Variants in NAALADL2 observed in about 807,000 individuals in gnomAD.
NAALADL2 encodes inactive N-acetylated-alpha-linked acidic dipeptidase-like protein 2.
NAALADL2 carries 76 observed loss-of-function variants against 87.2 expected under a neutral mutation model. The observed-to-expected ratio is 0.87, with a 90% CI of 0.72 to 1.05. The LOEUF is 1.05. NAALADL2 is among the 50% of genes least tolerant of loss of function. The probability of loss-of-function intolerance (pLI) is 0.00; values close to 1 mark genes in which losing one functional copy is unlikely to be tolerated. For synonymous variants in NAALADL2, 354 were observed against 331.0 expected (o/e 1.07, Z -0.75); for missense variants, 1,089 against 945.8 (o/e 1.15, Z -1.99).
intron 1 of NAALADL2, among the ~76,000 whole-genome samples, chr3:174,920,709 A>C (rs1735052109): frequency 6.6e-6 from 1 of 152,128 alleles, no homozygotes; most frequent in South Asian, 2.1e-4. Flanking sequence ...CATCTTAGCT[A>C]ACTGGTGCAA....
intron 13 of NAALADL2, among the ~76,000 whole-genome samples, chr3:175,786,519 C>A (rs917943252): frequency 3.9e-5 from 6 of 152,118 alleles, no homozygotes; most frequent in African/African-American, 1.4e-4. Flanking sequence ...GCATTCTTCA[C>A]GTAGTTCTCG....
chr3:174,967,729 C>G (rs1743084486), intron 1 of NAALADL2, among the ~76,000 whole-genome samples: 1 of 152,168 alleles, frequency 6.6e-6, no homozygotes, highest in African/African-American at 2.4e-5. Flanking sequence ...CAATCTAGCA[C>G]TAATTGAACA....
At chr3:174,616,004 T>C (rs746478230) in intron 2 of NAALADL2, among the ~76,000 whole-genome samples, 5 of 151,934 alleles carry the variant, frequency 3.3e-5, no homozygotes, top group Non-Finnish European at 5.9e-5. Flanking sequence ...CTGAACAACT[T>C]ATTTGCACTT....
chr3:174,664,431 T>A (rs548244708), intron 2 of NAALADL2, among the ~76,000 whole-genome samples: 1 of 152,170 alleles, frequency 6.6e-6, no homozygotes. Flanking sequence ...AATCTTTTTA[T>A]GGGGTTTTTA....
intron 1 of NAALADL2, among the ~76,000 whole-genome samples, chr3:174,964,035 G>GGAA (rs1553904967): frequency 2.6e-5 from 4 of 151,068 alleles, no homozygotes; most frequent in African/African-American, 9.7e-5. Flanking sequence ...AATCTTTTGG[G>GGAA]AAAAAAAACT....
At chr3:175,611,841 C>T (rs1724695527) in intron 10 of NAALADL2, among the ~76,000 whole-genome samples, 1 of 152,072 alleles carries the variant, frequency 6.6e-6, no homozygotes, top group African/African-American at 2.4e-5. Context: ...ATGTTTTATC[C>T]ACTGGGGCTA....
intron 1 of NAALADL2, among the ~76,000 whole-genome samples, chr3:174,535,519 G>C (rs1308137693): frequency 1.3e-5 from 2 of 152,064 alleles, no homozygotes; most frequent in East Asian, 1.9e-4. Context: ...CTTTATAATA[G>C]CTACTATTTA....
rs1373903019 is a variant in NAALADL2, at chr3:174,875,681, G to T, written c.43+16231G>T. ...TTTCTAAGAAAGAAAAAAAATGTGTGTCCCTTAATTTATGACTAAAATAAC... is the reference window on the plus strand; with the variant it reads ...TTTCTAAGAAAGAAAAAAAATGTGTTTCCCTTAATTTATGACTAAAATAAC... On this transcript the variant is annotated intron_variant, in intron 1 of 13. Coordinates refer to ENST00000454872, the MANE Select transcript of NAALADL2 (RefSeq NM_207015.3). Among the ~76,000 whole-genome samples the T allele has an allele frequency of 2.0e-5, 3 of 152,046 alleles. No individual in the cohort carries two copies. The East Asian group carries it at 5.8e-4, about 29-fold the overall frequency.
At chr3:175,177,636 C>A (rs944678245) in intron 2 of NAALADL2, among the ~76,000 whole-genome samples, 13 of 151,978 alleles carry the variant, frequency 8.6e-5, no homozygotes, top group Non-Finnish European at 1.8e-4. Flanking sequence ...ATAAAAGGAG[C>A]ATCTATCGTA....
chr3:174,488,194 C>T (rs1199851648), intron 1 of NAALADL2, among the ~76,000 whole-genome samples: 1 of 152,002 alleles, frequency 6.6e-6, no homozygotes, highest in Admixed American at 6.6e-5. Flanking sequence ...ACATAAAACA[C>T]TAAGCTTGGT....
At chr3:175,235,626 C>G (rs1316222567) in intron 3 of NAALADL2, 2 of 152,236 alleles carry the variant, frequency 1.3e-5, no homozygotes, top group African/African-American at 4.8e-5. Context: ...ACTCTTTACT[C>G]TGTCTAAGCC....
chr3:174,555,923 C>G (rs1036875924), intron 2 of NAALADL2, among the ~76,000 whole-genome samples: 7 of 151,758 alleles, frequency 4.6e-5, no homozygotes, highest in African/African-American at 1.7e-4. Flanking sequence ...TTCCACCACC[C>G]CATCGATGTT....
intron 1 of NAALADL2, among the ~76,000 whole-genome samples, chr3:174,874,469 T>A (rs1413211715): frequency 1.3e-5 from 2 of 152,122 alleles, no homozygotes; most frequent in African/African-American, 2.4e-5. Flanking sequence ...CTCAAAGTGA[T>A]TAAGAATGTA....
intron 1 of NAALADL2, among the ~76,000 whole-genome samples, chr3:174,516,104 A>T (rs1375733723): frequency 1.3e-5 from 2 of 152,174 alleles, no homozygotes; most frequent in Admixed American, 1.3e-4. Context: ...TTTATATTTC[A>T]TGGTCTTCAT....
chr3:175,086,865 TATC>T (rs1235321600), intron 1 of NAALADL2, among the ~76,000 whole-genome samples: 4 of 152,188 alleles, frequency 2.6e-5, no homozygotes, highest in Non-Finnish European at 4.4e-5. Flanking sequence ...CTAGATTATT[TATC>T]ATCCTTTCTT....
chr3:174,603,695 A>G (rs891891513), intron 2 of NAALADL2, among the ~76,000 whole-genome samples: 1 of 151,260 alleles, frequency 6.6e-6, no homozygotes, highest in African/African-American at 2.4e-5. Flanking sequence ...TTTTTTTCTT[A>G]TTCTATGTAG....
At chr3:175,063,966 T>C (rs1714052140) in intron 1 of NAALADL2, among the ~76,000 whole-genome samples, 6 of 152,180 alleles carry the variant, frequency 3.9e-5, no homozygotes, top group Admixed American at 3.9e-4. Flanking sequence ...AGTTACTCTG[T>C]GACACTGCAA....
chr3:174,556,257 A>T (rs1473174286), intron 2 of NAALADL2, among the ~76,000 whole-genome samples: 1 of 152,108 alleles, frequency 6.6e-6, no homozygotes, highest in Non-Finnish European at 1.5e-5. Flanking sequence ...TTTGCCACCT[A>T]AATGAGTTTA....
intron 5 of NAALADL2, among the ~76,000 whole-genome samples, chr3:175,425,051 C>A (rs1716544168): frequency 6.6e-6 from 1 of 152,044 alleles, no homozygotes; most frequent in African/African-American, 2.4e-5. Context: ...AAAGTAAAAT[C>A]TATTGAACTT....
Sources: gnomAD v4.1 joint callset for allele counts (sites outside exome capture counted in the v4.1 genomes callset) on GRCh38, gnomAD v4.1.1 for gene constraint, MANE v1.5 for transcripts, NCBI Gene and HGNC (gene_info 2026-07-23, HGNC 2026-07-21) for gene names.